Variants in BCL3 observed in about 807,000 individuals in gnomAD.
BCL3 encodes BCL3 transcription coactivator.
In BCL3, 15 loss-of-function variants were observed where a neutral mutation model predicts 35.7. The observed-to-expected ratio is 0.42, with a 90% CI of 0.28 to 0.65. The LOEUF is 0.65. Among genes scored for constraint, BCL3 ranks in the 30% least tolerant of loss-of-function variants. BCL3 has a pLI of 0.22. For missense variants in BCL3, 565 were observed against 641.7 expected, an observed-to-expected ratio of 0.88 and a Z score of 1.29; for synonymous variants, 311 against 284.3, an observed-to-expected ratio of 1.09 and a Z score of -0.95.
chr19:44,757,810 C>T lies in BCL3; in HGVS notation c.891+87C>T. ...CCTCAGCCCCTAGCTCTGACCCCGC[C>T]TTCCACTTCTGGCTCCGGCTCCTGC... On this transcript the variant is annotated intron_variant, in intron 6 of 8. Transcript: ENST00000164227. The surrounding 1 kb of genome is among the most constrained non-coding windows in gnomAD (Gnocchi z 8.4). The T allele has an allele frequency of 7.6e-7, 1 of 1,308,846 alleles. No homozygotes were observed. The allele number at this position is 1,308,846 out of a possible 1,614,324, so 81.1% of individuals were successfully genotyped here.
intron 1 of BCL3, 36 bp downstream of exon 1, chr19:44,749,082 C>A: frequency 1.7e-6 from 2 of 1,173,208 alleles, no homozygotes; most frequent in Non-Finnish European, 1.1e-6. Flanking sequence ...CGGGTGGGAT[C>A]CACACAGAGC....
Position 44,759,760 on chromosome 19 carries a change from C to A in BCL3, c.*145C>A, listed in dbSNP as rs1967391170. ...ATTTGCACAGAAGCACATGCACCTA[C>A]CCATACACCCCCTCTTCTGAGCACA... is the stretch of plus-strand genomic sequence containing the variant. On this transcript the variant is annotated 3_prime_UTR_variant, in exon 9 of 9. Coordinates refer to ENST00000164227, the MANE Select transcript of BCL3 (RefSeq NM_005178.5). 5 of 560,216 alleles carry A rather than the reference C, an allele frequency of 8.9e-6. No homozygotes were observed. Among genetic ancestry groups the A allele is most frequent in the Non-Finnish European group, 1.6e-5 (5 of 319,836 alleles). The allele number at this position is 560,216 out of a possible 1,614,324, so 34.7% of individuals were successfully genotyped here.
chr19:44,750,980 A>G (rs1967167342), intron 1 of BCL3, among the ~76,000 whole-genome samples: 1 of 152,070 alleles, frequency 6.6e-6, no homozygotes, highest in South Asian at 2.1e-4. Flanking sequence ...CTGATTGGAG[A>G]TTGAGGTCAG....
In BCL3 at chr19:44,751,229, G is replaced by A; in HGVS notation, c.259G>A (p.Ala87Thr). ...ARPEALYYPGALLPLYPTRAM... is the reference protein window; with the variant it reads ...ARPEALYYPGTLLPLYPTRAM... ...CTTCTCTGTCCTCCATTGTCCAGGA[G>A]CCTTACTGCCTTTGTACCCCACTCG... Residue 87 changes from alanine to threonine, a missense_variant and splice_region_variant, in exon 2 of 9, where the codon GCC becomes ACC. Ala to Thr is a moderately conservative substitution (Grantham distance 58). Coordinates refer to ENST00000164227, the MANE Select transcript of BCL3 (RefSeq NM_005178.5). The A allele has an allele frequency of 6.2e-7, 1 of 1,609,822 alleles. No individual in the cohort carries two copies. Among genetic ancestry groups the A allele is most frequent in the Non-Finnish European group, 8.5e-7 (1 of 1,178,364 alleles).
upstream of BCL3, chr19:44,747,740 C>G: frequency 1.1e-6 from 1 of 912,128 alleles, no homozygotes; most frequent in Non-Finnish European, 1.4e-6. Context: ...CGGCCTCGGT[C>G]GCGCTGACTC....
At chr19:44,748,295 G>T (rs926809618), upstream of BCL3, among the ~76,000 whole-genome samples, 21 of 152,278 alleles carry the variant, frequency 1.4e-4, no homozygotes, top group East Asian at 3.9e-3. Context: ...GCGGGGTTGC[G>T]GAGAGAAACA....
intron 2 of BCL3, among the ~76,000 whole-genome samples, chr19:44,754,540 G>T (rs1200841795): frequency 6.6e-6 from 1 of 151,212 alleles, no homozygotes; most frequent in African/African-American, 2.4e-5. Context: ...CGCCCCTCCC[G>T]TCCCCACTTC....
At chr19:44,752,592 A>C (rs1176718124) in intron 2 of BCL3, among the ~76,000 whole-genome samples, 1 of 152,088 alleles carries the variant, frequency 6.6e-6, no homozygotes, top group Admixed American at 6.6e-5. Flanking sequence ...AGATCCCCTA[A>C]ATTGATTTCA....
Position 44,757,621 on chromosome 19 carries a change from C to T in BCL3, c.814-25C>T. 1 of 1,612,390 alleles carries T rather than the reference C, an allele frequency of 6.2e-7. No individual in the cohort carries two copies. Among genetic ancestry groups the T allele is most frequent in the Non-Finnish European group, 8.5e-7 (1 of 1,179,038 alleles). ...GCTGCTGGAGCAGAGCTTGGAGAAA[C>T]TAAGACCTTCCCTCCCCGCCGCAGG... On this transcript the variant is annotated intron_variant, in intron 5 of 8. Transcript: ENST00000164227. This position sits in a 1 kb window ranked among gnomAD's most constrained non-coding sequence, Gnocchi z 8.4.
Position 44,748,868 on chromosome 19 carries a change from G to C in BCL3, c.78G>C (p.Pro26=). Residue 26 remains proline, a synonymous_variant, in exon 1 of 9, where the codon CCG becomes CCC. Transcript: ENST00000164227. ...LRTRPKAAGL[P]GAALPLRKRP... ...CCCGGCCCAAGGCCGCCGGACTCCC[G>C]GGCGCCGCGCTGCCGCTCCGCAAGC... 9.0e-7 allele frequency: 1 copy of C among 1,106,966 alleles called. No individual in the cohort carries two copies. The highest frequency in any genetic ancestry group is 1.1e-6 in the Non-Finnish European group (1 of 910,766). The allele number at this position is 1,106,966 out of a possible 1,614,324, so 68.6% of individuals were successfully genotyped here.
At chr19:44,758,224 A>ACCCGGCCCTCCCGT (rs1209729748) in intron 6 of BCL3, 22 bp from the exon 7 acceptor site, 2 of 1,464,118 alleles carry the variant, frequency 1.4e-6, no homozygotes, top group Non-Finnish European at 1.8e-6. Flanking sequence ...CGCCCTCCTG[A>ACCCGGCCCTCCCGT]CCCGGCCCTC....
chr19:44,759,376 C>T (rs1350610633), intron 8 of BCL3, 52 bp from the exon 9 acceptor site: 1 of 1,443,214 alleles, frequency 6.9e-7, no homozygotes, highest in Non-Finnish European at 9.6e-7. Context: ...AGCCCCTGCT[C>T]TCTGGGTCTA....
At chr19:44,748,095 A>C (rs1967099376), upstream of BCL3, 4 of 1,335,110 alleles carry the variant, frequency 3.0e-6, no homozygotes, top group Non-Finnish European at 3.9e-6. Context: ...AACGGCTCAG[A>C]GAGGGGAAGT....
rs779676912 is a variant in BCL3 at position 44,758,782 on chromosome 19, C to G, written c.1118C>G (p.Pro373Arg). Reference sequence around the variant, plus strand: ...CCTGCTTCCACCTCCCAGCCAGACCCCTCCCCTGACCGGAGCGCCAACACC... The same window carrying G: ...CCTGCTTCCACCTCCCAGCCAGACCGCTCCCCTGACCGGAGCGCCAACACC... Reference protein sequence around the residue: ...TRPASTSQPDPSPDRSANTSP... With the variant: ...TRPASTSQPDRSPDRSANTSP... The change falls in exon 8 of 9, where the codon CCC (proline) becomes CGC (arginine). Residue 373 changes from proline to arginine, a missense_variant. Physicochemically the swap from Pro to Arg is moderately radical, Grantham distance 103. Around this residue, in one of 5 missense-constraint regions of BCL3, gnomAD observed 151 missense variants for 138.1 expected, o/e 1.09. Coordinates refer to ENST00000164227, the MANE Select transcript of BCL3 (RefSeq NM_005178.5). The G allele has an allele frequency of 1.2e-6, 2 of 1,608,866 alleles. No individual in the cohort carries two copies. Among genetic ancestry groups the G allele is most frequent in the South Asian group, 2.2e-5 (2 of 90,084 alleles).
intron 2 of BCL3, among the ~76,000 whole-genome samples, chr19:44,753,907 A>AGCAGCTTG (rs1967231197): frequency 6.6e-6 from 1 of 151,248 alleles, no homozygotes; most frequent in African/African-American, 2.4e-5. Context: ...GGGGATGAGG[A>AGCAGCTTG]GCAGCTTGGC....
rs1396799170 is a variant in BCL3 at position 44,759,625 on chromosome 19, G to T, written c.*10G>T. The stretch of plus-strand genomic sequence containing the variant: ...TCCAGGAGGCAGCTGAGGGGGATGG[G>T]GGGGCAGATCTTGGACTCATGAGGA... On this transcript the variant is annotated 3_prime_UTR_variant, in exon 9 of 9. Transcript: ENST00000164227. The T allele has an allele frequency of 1.3e-6, 2 of 1,598,352 alleles. No individual in the cohort carries two copies. Among genetic ancestry groups the T allele is most frequent in the South Asian group, 1.1e-5 (1 of 90,492 alleles).
Position 44,758,831 on chromosome 19 carries a change from C to T in BCL3, c.1167C>T (p.Leu389=). 1 of 1,598,326 alleles carries T rather than the reference C, an allele frequency of 6.3e-7. No individual in the cohort carries two copies. Among genetic ancestry groups the T allele is most frequent in the Non-Finnish European group, 8.5e-7 (1 of 1,173,536 alleles). ...ANTSPESSSR[L]SSNGLLSASP... is the part of the protein sequence containing the mutation. ...CCTCCCCCGAGAGCAGCAGCCGCCT[C>T]AGCTCCAATGGTGAGAAACCGTTCC... The change falls in exon 8 of 9, where the codon CTC becomes CTT. Residue 389 remains leucine, a synonymous_variant. Coordinates refer to ENST00000164227, the MANE Select transcript of BCL3 (RefSeq NM_005178.5).
rs756556178 is a variant in BCL3, at chr19:44,759,654, GC to G, written c.*45del. On this transcript the variant is annotated 3_prime_UTR_variant, in exon 9 of 9. Coordinates refer to ENST00000164227, the MANE Select transcript of BCL3 (RefSeq NM_005178.5). ...GCAGATCTTGGACTCATGAGGAGGG[GC>G]CCCCCTGCCCTGTGGGGTCAACCCT... 3.9e-5 allele frequency: 59 copies of G among 1,495,292 alleles called. No homozygotes were observed. The highest frequency in any genetic ancestry group is 1.8e-4 in the Middle Eastern group (1 of 5,558). The allele number at this position is 1,495,292 out of a possible 1,614,324, so 92.6% of individuals were successfully genotyped here. A position where few individuals can be genotyped will look rare whatever the true frequency, so the allele number is the denominator to read the frequency against.
chr19:44,750,506 C>T (rs937849111), intron 1 of BCL3, among the ~76,000 whole-genome samples: 8 of 152,064 alleles, frequency 5.3e-5, no homozygotes. Context: ...ACCATGTTGC[C>T]CAGACTGGTA....
Sources: gnomAD v4.1 joint callset for allele counts (sites outside exome capture counted in the v4.1 genomes callset) on GRCh38, gnomAD v4.1.1 for gene constraint, gnomAD v4.1.1 regional missense constraint, Gnocchi (gnomAD v3.1) non-coding constraint, MANE v1.5 for transcripts, NCBI Gene and HGNC (gene_info 2026-07-23, HGNC 2026-07-21) for gene names.